The following DLG2 variants were observed in gnomAD, a reference collection of about 807,000 sequenced individuals.
DLG2 encodes disks large homolog 2.
DLG2 carries 45 observed loss-of-function variants against 132.5 expected under a neutral mutation model. That is an observed-to-expected ratio of 0.34 (90% CI 0.27 to 0.44). The LOEUF is 0.44. DLG2 is among the 20% of genes least tolerant of loss of function. DLG2 has a pLI of 1.00. For synonymous variants in DLG2, 424 were observed against 419.6 expected (o/e 1.01, Z -0.13); for missense variants, 1,045 against 1,196.9 (o/e 0.87, Z 1.87).
At chr11:83,815,484 T>C (rs1043562500) in intron 17 of DLG2, among the ~76,000 whole-genome samples, 1 of 152,166 alleles carries the variant, frequency 6.6e-6, no homozygotes, top group African/African-American at 2.4e-5. Context: ...AAGGGCCAGC[T>C]GACCCTGTGA....
At chr11:85,235,229 T>G (rs975543687) in intron 4 of DLG2, among the ~76,000 whole-genome samples, 1 of 152,042 alleles carries the variant, frequency 6.6e-6, no homozygotes, top group South Asian at 2.1e-4. Context: ...ACAGTTTCAA[T>G]TTTTAATAGC....
intron 19 of DLG2, among the ~76,000 whole-genome samples, chr11:83,565,951 A>G (rs2096701312): frequency 6.6e-6 from 1 of 152,178 alleles, no homozygotes. Flanking sequence ...CTACTTGCCA[A>G]TGAGAGAGTT....
chr11:84,133,682 T>G (rs1478138178), intron 9 of DLG2, among the ~76,000 whole-genome samples: 1 of 152,024 alleles, frequency 6.6e-6, no homozygotes, highest in African/African-American at 2.4e-5. Flanking sequence ...TGTTTTGCTA[T>G]GTTGCCCAGG....
At chr11:84,650,961 G>T (rs1275028082) in intron 6 of DLG2, among the ~76,000 whole-genome samples, 2 of 148,762 alleles carry the variant, frequency 1.3e-5, no homozygotes, top group Non-Finnish European at 3.0e-5. Context: ...AAATGGAATT[G>T]CTAAGTCTCA....
At chr11:83,594,247 G>A (rs1204263968) in intron 19 of DLG2, among the ~76,000 whole-genome samples, 2 of 152,246 alleles carry the variant, frequency 1.3e-5, no homozygotes, top group Non-Finnish European at 2.9e-5. Flanking sequence ...GCAGCTCTAA[G>A]ATTGTGGCCC....
At chr11:84,221,023 T>G (rs1428975298) in intron 8 of DLG2, among the ~76,000 whole-genome samples, 1 of 151,322 alleles carries the variant, frequency 6.6e-6, no homozygotes, top group East Asian at 1.9e-4. Flanking sequence ...AAGCTGCTCT[T>G]GAACTCCTGG....
chr11:85,602,769 A>T (rs2080258222), intron 2 of DLG2, among the ~76,000 whole-genome samples: 3 of 152,158 alleles, frequency 2.0e-5, no homozygotes, highest in Admixed American at 1.3e-4. Flanking sequence ...ATCTACTCCA[A>T]CCACAGTATG....
chr11:83,983,048 T>C (rs933590970), intron 11 of DLG2, among the ~76,000 whole-genome samples: 1 of 152,132 alleles, frequency 6.6e-6, no homozygotes, highest in African/African-American at 2.4e-5. Context: ...AATGATGACA[T>C]TGTCTAATGA....
intron 3 of DLG2, among the ~76,000 whole-genome samples, chr11:85,321,184 T>A (rs543777914): frequency 2.8e-4 from 42 of 152,082 alleles, no homozygotes; most frequent in African/African-American, 9.1e-4. Flanking sequence ...TTTTTGCCTA[T>A]AGACTACATG....
intron 7 of DLG2, among the ~76,000 whole-genome samples, chr11:84,470,972 C>A (rs1450675927): frequency 1.3e-5 from 2 of 151,680 alleles, no homozygotes; most frequent in African/African-American, 4.8e-5. Flanking sequence ...ACAGGGAGCC[C>A]TCCCTATTTT....
chr11:84,932,009 T>G (rs950651480), intron 6 of DLG2, among the ~76,000 whole-genome samples: 21 of 152,244 alleles, frequency 1.4e-4, no homozygotes, highest in African/African-American at 5.1e-4. Context: ...TTACACATGC[T>G]TATTATTAGA....
At chr11:85,124,274 CTGTGTCACTTA>C (rs1268567844) in intron 5 of DLG2, among the ~76,000 whole-genome samples, 1 of 152,200 alleles carries the variant, frequency 6.6e-6, no homozygotes, top group East Asian at 1.9e-4. Flanking sequence ...TTTATGTGAC[CTGTGTCACTTA>C]AGATTACTTC....
At chr11:83,777,553 T>A (rs1459972005) in intron 18 of DLG2, among the ~76,000 whole-genome samples, 13 of 152,244 alleles carry the variant, frequency 8.5e-5, no homozygotes, top group African/African-American at 3.1e-4. Flanking sequence ...TACAATTTAA[T>A]TTATTAAACT....
intron 17 of DLG2, among the ~76,000 whole-genome samples, chr11:83,813,993 C>T (rs1313120408): frequency 6.6e-6 from 1 of 152,212 alleles, no homozygotes; most frequent in East Asian, 1.9e-4. Context: ...GATGCAGACT[C>T]ACTTTTTTTT....
intron 19 of DLG2, among the ~76,000 whole-genome samples, chr11:83,614,322 A>G (rs1280266423): frequency 2.0e-5 from 3 of 152,242 alleles, no homozygotes; most frequent in Admixed American, 6.5e-5. Context: ...GAGGTCGAGT[A>G]TGTGAAATGA....
At chr11:85,086,597 G>A (rs983905429) in intron 6 of DLG2, among the ~76,000 whole-genome samples, 1 of 151,984 alleles carries the variant, frequency 6.6e-6, no homozygotes, top group Admixed American at 6.6e-5. Flanking sequence ...AACTCTGTCT[G>A]AAGATAAACA....
Position 85,546,820 on chromosome 11 carries a change from T to C in DLG2, c.40+51837A>G, listed in dbSNP as rs1294175236. Among the ~76,000 whole-genome samples the C allele has an allele frequency of 9.0e-3, 471 of 52,400 alleles. 4 individuals are homozygous for C. Among genetic ancestry groups the C allele is most frequent in the African/African-American group, 0.038 (444 of 11,570 alleles). The allele number at this position is 52,400 out of a possible 152,430, so 34.4% of individuals were successfully genotyped here. On this transcript the variant is annotated intron_variant, in intron 3 of 27. Transcript: ENST00000376104. ...CAGAGACTAGGATATAACCCCTGCT[T>C]TTTTTTTTTTTTTTTTTTTTGCTTT... is the stretch of plus-strand genomic sequence containing the variant.
chr11:84,580,235 C>G (rs2099513175), intron 6 of DLG2, among the ~76,000 whole-genome samples: 1 of 152,052 alleles, frequency 6.6e-6, no homozygotes, highest in African/African-American at 2.4e-5. Flanking sequence ...AGACATTTTC[C>G]TGGATCATAA....
chr11:85,579,645 TTC>T (rs1490078721), intron 3 of DLG2, among the ~76,000 whole-genome samples: 1 of 152,170 alleles, frequency 6.6e-6, no homozygotes, highest in Non-Finnish European at 1.5e-5. Context: ...ATGGGGTAGC[TTC>T]AGGAGAAAAT....
Sources: allele counts gnomAD v4.1 joint callset (sites outside exome capture counted in the v4.1 genomes callset), GRCh38; gene constraint gnomAD v4.1.1; transcripts MANE v1.5; gene names NCBI Gene and HGNC (gene_info 2026-07-23, HGNC 2026-07-21).